The following ZFHX3 variants were observed in gnomAD, a reference collection of about 807,000 sequenced individuals.
The protein encoded by ZFHX3 is zinc finger homeobox 3.
A neutral mutation model predicts 279.1 loss-of-function variants in ZFHX3; 42 were observed. The ratio of observed to expected loss-of-function variants is 0.15; its 90% confidence interval spans 0.12 to 0.19. ZFHX3 has a LOEUF of 0.19. Ranked by LOEUF, ZFHX3 falls within the 10% of genes least tolerant of loss-of-function variation. ZFHX3 has a pLI of 1.00. For missense variants in ZFHX3, 4,981 were observed against 4,754.0 expected, an observed-to-expected ratio of 1.05 and a Z score of -1.40; for synonymous variants, 2,293 against 1,957.8, an observed-to-expected ratio of 1.17 and a Z score of -4.52.
At chr16:73,688,284 G>GAGGCA (rs2142204176) in intron 1 of ZFHX3, among the ~76,000 whole-genome samples, 1 of 151,462 alleles carries the variant, frequency 6.6e-6, no homozygotes, top group Admixed American at 6.6e-5. Flanking sequence ...TTGAACCCGG[G>GAGGCA]AGGCAGAGGT....
intron 3 of ZFHX3, among the ~76,000 whole-genome samples, chr16:73,392,303 C>G (rs921805654): frequency 6.6e-6 from 1 of 150,626 alleles, no homozygotes; most frequent in Non-Finnish European, 1.5e-5. Flanking sequence ...TGCCTATAGC[C>G]CCAGCTACTC....
In ZFHX3 at chr16:73,404,867, C is replaced by T. The variant is rs75739171; in HGVS notation, c.-1291+51136G>A. On this transcript the variant is annotated intron_variant, in intron 3 of 17. Coordinates refer to the ZFHX3 transcript ENST00000641206. The stretch of plus-strand genomic sequence containing the variant: ...AGGCCCATTCGAAGCACTTTACATA[C>T]ATTATCTAATTATCTCATTTGGTCC... Among the ~76,000 whole-genome samples the T allele has an allele frequency of 4.3e-3, 659 of 152,300 alleles. 7 individuals carry two copies. The highest frequency in any genetic ancestry group is 0.014 in the African/African-American group (580 of 41,564).
At chr16:73,169,012 T>A (rs994480558) in intron 5 of ZFHX3, among the ~76,000 whole-genome samples, 7 of 152,198 alleles carry the variant, frequency 4.6e-5, no homozygotes, top group Non-Finnish European at 7.3e-5. Flanking sequence ...TTAGAACTAT[T>A]GTTTGGTTCA....
Position 72,793,343 on chromosome 16 carries a change from T to C in ZFHX3, c.9339A>G (p.Thr3113=). The change falls in exon 9 of 10, where the codon ACA becomes ACG. Residue 3113 remains threonine, a synonymous_variant. Coordinates refer to ENST00000268489, the MANE Select transcript of ZFHX3 (RefSeq NM_006885.4). This position sits in a 1 kb window ranked among gnomAD's most constrained non-coding sequence, Gnocchi z 4.3. ...GAATGCCCTGGAGCGCTGGATATGC[T>C]GTAGGAAGGTTAAGGGCCTGAAGAG... ...NTPLQALNLP[T]AYPALQGIPP... The C allele has an allele frequency of 6.2e-7, 1 of 1,614,172 alleles. No homozygotes were observed. Among genetic ancestry groups the C allele is most frequent in the Non-Finnish European group, 8.5e-7 (1 of 1,180,018 alleles).
chr16:73,871,504 G>C (rs1489676822), intron 1 of ZFHX3, among the ~76,000 whole-genome samples: 1 of 151,934 alleles, frequency 6.6e-6, no homozygotes, highest in Admixed American at 6.6e-5. Flanking sequence ...AAGAGAGAGA[G>C]AGAGAGAGAG....
intron 4 of ZFHX3, among the ~76,000 whole-genome samples, chr16:72,836,903 TG>T (rs1371846801): frequency 6.6e-6 from 1 of 152,200 alleles, no homozygotes; most frequent in African/African-American, 2.4e-5. Context: ...GCTCTACAGC[TG>T]GAGCATCTAT....
intron 2 of ZFHX3, among the ~76,000 whole-genome samples, chr16:73,568,755 C>T (rs113790585): frequency 0.015 from 2,240 of 152,234 alleles, 59 homozygotes; most frequent in African/African-American, 0.051. Flanking sequence ...TCAGAGCTTC[C>T]GGGGTCTCAT....
intron 7 of ZFHX3, among the ~76,000 whole-genome samples, chr16:73,111,130 G>A (rs1177982867): frequency 2.0e-5 from 3 of 152,042 alleles, no homozygotes; most frequent in Non-Finnish European, 2.9e-5. Context: ...TAGTAGAGAC[G>A]AGGTTTCACC....
intron 3 of ZFHX3, among the ~76,000 whole-genome samples, chr16:72,923,909 A>C (rs1959290438): frequency 6.6e-6 from 1 of 152,356 alleles, no homozygotes; most frequent in Middle Eastern, 3.4e-3. Context: ...CACGTCTTTA[A>C]GTTGTGTACA....
intron 5 of ZFHX3, among the ~76,000 whole-genome samples, chr16:73,210,753 T>C (rs1212339507): frequency 6.6e-6 from 1 of 152,094 alleles, no homozygotes; most frequent in Non-Finnish European, 1.5e-5. Flanking sequence ...ATGAGGCTCC[T>C]CTAACGTGGG....
chr16:73,050,852 C>T (rs978225375), upstream of ZFHX3, among the ~76,000 whole-genome samples: 20 of 152,152 alleles, frequency 1.3e-4, no homozygotes, highest in African/African-American at 4.1e-4. Context: ...TGGCAACAGC[C>T]GAAAGGATAA....
chr16:73,414,407 T>C (rs2017529759), intron 3 of ZFHX3, among the ~76,000 whole-genome samples: 2 of 152,254 alleles, frequency 1.3e-5, no homozygotes, highest in South Asian at 4.1e-4. Flanking sequence ...AGAACTAAAC[T>C]TACAGTTTAA....
chr16:72,951,993 C>T lies in ZFHX3; in HGVS notation c.2720-1028G>A, dbSNP rs533578035. ...GGGCTGGACGTGGTGTCTCACACCC[C>T]TAATCCAAGCACTTTAGGAGGCCAA... On this transcript the variant is annotated intron_variant, in intron 2 of 9. Coordinates refer to ENST00000268489, the MANE Select transcript of ZFHX3 (RefSeq NM_006885.4). 4.6e-5 allele frequency among the ~76,000 whole-genome samples: 7 copies of T among 152,310 alleles called. No individual in the cohort carries two copies. In the East Asian group the frequency reaches 9.6e-4, roughly 21 times the overall value.
chr16:73,698,844 C>T (rs2053221257), intron 1 of ZFHX3, among the ~76,000 whole-genome samples: 1 of 147,264 alleles, frequency 6.8e-6, no homozygotes, highest in East Asian at 2.0e-4. Context: ...AAAACCAATG[C>T]AATTCAAATA....
chr16:73,525,830 T>C (rs1460042827), intron 2 of ZFHX3, among the ~76,000 whole-genome samples: 1 of 152,200 alleles, frequency 6.6e-6, no homozygotes, highest in Non-Finnish European at 1.5e-5. Flanking sequence ...TGAGCTAACA[T>C]AATTCTCAAG....
At chr16:73,057,667 G>C (rs758348410) in intron 1 of ZFHX3, among the ~76,000 whole-genome samples, 13 of 151,742 alleles carry the variant, frequency 8.6e-5, no homozygotes, top group Admixed American at 2.6e-4. Context: ...GCGCAGCCCC[G>C]AGCCCCCGGG....
At chr16:73,859,652 C>G (rs1961829560) in intron 1 of ZFHX3, among the ~76,000 whole-genome samples, 1 of 151,926 alleles carries the variant, frequency 6.6e-6, no homozygotes, top group African/African-American at 2.4e-5. Flanking sequence ...GAGGCAATAA[C>G]AAAAAAGCAA....
intron 4 of ZFHX3, among the ~76,000 whole-genome samples, chr16:73,262,191 G>C (rs1002764460): frequency 1.3e-5 from 2 of 152,130 alleles, no homozygotes; most frequent in African/African-American, 4.8e-5. Flanking sequence ...TGGATGGATG[G>C]GTAAAGTTAT....
chr16:73,668,752 G>C (rs2052871677), intron 2 of ZFHX3, among the ~76,000 whole-genome samples: 1 of 151,622 alleles, frequency 6.6e-6, no homozygotes, highest in South Asian at 2.1e-4. Context: ...AGTGGGCAAA[G>C]GATATGAACA....
Sources: gnomAD v4.1 joint callset for allele counts (sites outside exome capture counted in the v4.1 genomes callset) on GRCh38, gnomAD v4.1.1 for gene constraint, Gnocchi (gnomAD v3.1) non-coding constraint, MANE v1.5 for transcripts, NCBI Gene and HGNC (gene_info 2026-07-23, HGNC 2026-07-21) for gene names.